Variants in RPTOR observed in about 807,000 individuals in gnomAD.
RPTOR encodes the protein regulatory associated protein of MTOR complex 1, also known as regulatory-associated protein of mTOR.
In RPTOR, 21 loss-of-function variants were observed where a neutral mutation model predicts 169.9. The observed-to-expected ratio is 0.12, with a 90% CI of 0.09 to 0.18. The LOEUF is 0.18. Ranked by LOEUF, RPTOR falls within the 10% of genes least tolerant of loss-of-function variation. The probability of loss-of-function intolerance (pLI) is 1.00; values close to 1 mark genes in which losing one functional copy is unlikely to be tolerated. For synonymous variants in RPTOR, 732 were observed against 753.2 expected, an observed-to-expected ratio of 0.97 and a Z score of 0.46; for missense variants, 1,133 against 1,855.9, an observed-to-expected ratio of 0.61 and a Z score of 7.16.
intron 6 of RPTOR, among the ~76,000 whole-genome samples, chr17:80,762,361 C>A (rs887413272): frequency 6.6e-6 from 1 of 152,114 alleles, no homozygotes; most frequent in African/African-American, 2.4e-5. Context: ...GCTGAGTCCC[C>A]ACTGGGGGCT....
At chr17:80,631,095 A>G (rs909691502) in intron 2 of RPTOR, among the ~76,000 whole-genome samples, 1 of 151,916 alleles carries the variant, frequency 6.6e-6, no homozygotes, top group African/African-American at 2.4e-5. Context: ...GCTGTTTTGC[A>G]CCTTCCCTCA....
At chr17:80,743,476 T>TG (rs763978358) in intron 5 of RPTOR, 7 of 984,706 alleles carry the variant, frequency 7.1e-6, no homozygotes, top group African/African-American at 3.5e-5. Flanking sequence ...GTGACCCACT[T>TG]GTGTGGGGAG....
chr17:80,964,202 C>A (rs555302572), intron 33 of RPTOR, 60 bp from the exon 34 acceptor site: 4 of 1,224,842 alleles, frequency 3.3e-6, no homozygotes, highest in South Asian at 1.2e-5. Flanking sequence ...TGCGCCCCCC[C>A]GCCCCCCGCA....
Position 80,619,021 on chromosome 17 carries a change from C to A in RPTOR, c.163-6670C>A, listed in dbSNP as rs118124117. On this transcript the variant is annotated intron_variant, in intron 1 of 33. Coordinates refer to ENST00000306801, the MANE Select transcript of RPTOR (RefSeq NM_020761.3). ...ATATCTACTCTCTTTGCTATGTGTTCTAGTTTCTGACTCTCTTTATAAATT... is the reference window on the plus strand; with the variant it reads ...ATATCTACTCTCTTTGCTATGTGTTATAGTTTCTGACTCTCTTTATAAATT... Among the ~76,000 whole-genome samples, 472 of 152,266 alleles carry A rather than the reference C, an allele frequency of 3.1e-3. 5 individuals carry two copies. Among genetic ancestry groups the A allele is most frequent in the Non-Finnish European group, 5.4e-3 (367 of 68,022 alleles).
chr17:80,836,801 G>C (rs377080427), intron 9 of RPTOR, among the ~76,000 whole-genome samples: 1 of 152,214 alleles, frequency 6.6e-6, no homozygotes, highest in African/African-American at 2.4e-5. Context: ...GATGGTGGCT[G>C]GGGGTGCCCC....
At chr17:80,848,263 T>A (rs562519341) in intron 11 of RPTOR, among the ~76,000 whole-genome samples, 4 of 152,214 alleles carry the variant, frequency 2.6e-5, no homozygotes, top group Admixed American at 2.6e-4. Flanking sequence ...CTGAGCCACA[T>A]AGGGAGACTC....
At chr17:80,811,993 G>A (rs888143162) in intron 7 of RPTOR, among the ~76,000 whole-genome samples, 2 of 152,058 alleles carry the variant, frequency 1.3e-5, no homozygotes, top group Non-Finnish European at 2.9e-5. Flanking sequence ...TCTTTAACAA[G>A]GCCTCGACCT....
At chr17:80,950,428 G>A (rs2069160469) in intron 28 of RPTOR, among the ~76,000 whole-genome samples, 1 of 152,144 alleles carries the variant, frequency 6.6e-6, no homozygotes, top group African/African-American at 2.4e-5. Context: ...CACCTGTCCC[G>A]GGAGATGCCA....
intron 9 of RPTOR, among the ~76,000 whole-genome samples, chr17:80,826,032 T>C (rs561960587): frequency 1.3e-5 from 2 of 152,010 alleles, no homozygotes; most frequent in South Asian, 4.2e-4. Flanking sequence ...CCTGGGGAGC[T>C]CTGAGGATGG....
rs1466961003 is a variant in RPTOR at position 80,545,609 on chromosome 17, C to T, written c.-21C>T. 4 of 1,590,460 alleles carry T rather than the reference C, an allele frequency of 2.5e-6. No homozygotes were observed. Among genetic ancestry groups the T allele is most frequent in the Non-Finnish European group, 2.6e-6 (3 of 1,166,858 alleles). On this transcript the variant is annotated 5_prime_UTR_variant, in exon 1 of 34. Coordinates refer to ENST00000306801, the MANE Select transcript of RPTOR (RefSeq NM_020761.3). ...TCTCGAGCGCTTGCTGCCAAGGACTCCCCCACCCCCTCCCCCACTGATGGA... is the reference window on the plus strand; with the variant it reads ...TCTCGAGCGCTTGCTGCCAAGGACTTCCCCACCCCCTCCCCCACTGATGGA...
intron 4 of RPTOR, among the ~76,000 whole-genome samples, chr17:80,729,283 C>T (rs761181653): frequency 1.3e-5 from 2 of 152,170 alleles, no homozygotes; most frequent in African/African-American, 2.4e-5. Context: ...AAGAAATAAA[C>T]TCACTTTTAC....
In RPTOR at chr17:80,726,378, A is replaced by G. The variant is rs988645346; in HGVS notation, c.508-4182A>G. On this transcript the variant is annotated intron_variant, in intron 4 of 33. Transcript: ENST00000306801. The surrounding 1 kb of genome is among the most constrained non-coding windows in gnomAD (Gnocchi z 4.5). ...GTAACCTGGTGCTCGCCGCCCACAGATCACGGGGCGTGGAGGGAGAGACTG... is the reference window on the plus strand; with the variant it reads ...GTAACCTGGTGCTCGCCGCCCACAGGTCACGGGGCGTGGAGGGAGAGACTG... Among the ~76,000 whole-genome samples, 1 of 152,218 alleles carries G rather than the reference A, an allele frequency of 6.6e-6. No homozygotes were observed. The highest frequency in any genetic ancestry group is 2.4e-5 in the African/African-American group (1 of 41,446).
chr17:80,733,369 AC>A (rs1456090885), intron 5 of RPTOR, among the ~76,000 whole-genome samples: 1 of 152,230 alleles, frequency 6.6e-6, no homozygotes, highest in African/African-American at 2.4e-5. Flanking sequence ...AGTATATTTT[AC>A]CAAATTAGTA....
At chr17:80,873,041 C>G (rs2068068958) in intron 13 of RPTOR, among the ~76,000 whole-genome samples, 1 of 152,110 alleles carries the variant, frequency 6.6e-6, no homozygotes, top group Non-Finnish European at 1.5e-5. Context: ...TCATGGCTGG[C>G]TCCTGTCCCA....
chr17:80,928,414 C>T (rs905773111), intron 24 of RPTOR, among the ~76,000 whole-genome samples: 1 of 152,036 alleles, frequency 6.6e-6, no homozygotes, highest in African/African-American at 2.4e-5. Context: ...TAGGATTGAA[C>T]CTAAAAAAGA....
intron 5 of RPTOR, among the ~76,000 whole-genome samples, chr17:80,750,810 G>A (rs12939143): frequency 0.43 from 64,534 of 151,800 alleles, 14,391 homozygotes; most frequent in Non-Finnish European, 0.49. Context: ...CCACTCCTTG[G>A]TGGTTCTTGG....
intron 5 of RPTOR, among the ~76,000 whole-genome samples, chr17:80,739,134 G>A (rs1033860475): frequency 7.9e-5 from 12 of 152,248 alleles, no homozygotes; most frequent in African/African-American, 2.7e-4. Context: ...TTGCTGTCGC[G>A]GGAACACCTC....
At chr17:80,833,819 G>A (rs931991026) in intron 9 of RPTOR, among the ~76,000 whole-genome samples, 5 of 152,084 alleles carry the variant, frequency 3.3e-5, no homozygotes, top group Admixed American at 1.3e-4. Flanking sequence ...GTGAAACCCC[G>A]TCTCTACTAA....
rs140585158 is a variant in RPTOR at position 80,901,497 on chromosome 17, C to T, written c.2402-7314C>T. 6.1e-4 allele frequency among the ~76,000 whole-genome samples: 93 copies of T among 152,122 alleles called. 1 individual carries two copies. Among genetic ancestry groups the T allele is most frequent in the Middle Eastern group, 3.4e-3 (1 of 294 alleles). ...GTTTAGGAAGGAAAGAAAACAAAGT[C>T]GCCCCTGCAAAGCCAGCCTCATTCA... On this transcript the variant is annotated intron_variant, in intron 20 of 33. Coordinates refer to ENST00000306801, the MANE Select transcript of RPTOR (RefSeq NM_020761.3).
Sources: allele counts gnomAD v4.1 joint callset (sites outside exome capture counted in the v4.1 genomes callset), GRCh38; gene constraint gnomAD v4.1.1; non-coding constraint Gnocchi (gnomAD v3.1); transcripts MANE v1.5; gene names NCBI Gene and HGNC (gene_info 2026-07-23, HGNC 2026-07-21).